The following SEMA3E variants were observed in gnomAD, a reference collection of about 807,000 sequenced individuals.
SEMA3E encodes semaphorin 3E.
In SEMA3E, 49 loss-of-function variants were observed where a neutral mutation model predicts 93.6. That is an observed-to-expected ratio of 0.52 (90% confidence interval 0.42 to 0.66). The LOEUF (loss-of-function observed/expected upper bound fraction) is 0.66. SEMA3E is among the 30% of genes least tolerant of loss of function. The probability of loss-of-function intolerance (pLI) is 0.00; values close to 1 mark genes in which losing one functional copy is unlikely to be tolerated. For missense variants in SEMA3E, 906 were observed against 964.8 expected (o/e 0.94, Z 0.81); for synonymous variants, 363 against 330.7 (o/e 1.10, Z -1.06).
chr7:83,600,341 G>C (rs1792962735), intron 1 of SEMA3E, among the ~76,000 whole-genome samples: 1 of 150,746 alleles, frequency 6.6e-6, no homozygotes, highest in Non-Finnish European at 1.5e-5. Context: ...TTTCCTTGAG[G>C]CGGAGTCTCG....
intron 1 of SEMA3E, among the ~76,000 whole-genome samples, chr7:83,585,109 T>C (rs56169535): frequency 2.0e-5 from 3 of 152,090 alleles, no homozygotes; most frequent in Non-Finnish European, 4.4e-5. Flanking sequence ...GTTCCCTCCA[T>C]CTGCACAGCT....
chr7:83,380,377 A>G (rs1787753165), intron 16 of SEMA3E, among the ~76,000 whole-genome samples: 1 of 151,918 alleles, frequency 6.6e-6, no homozygotes, highest in Non-Finnish European at 1.5e-5. Flanking sequence ...TTTCTAGAAT[A>G]ATTTGTGTAC....
At chr7:83,419,059 C>G (rs1218321343) in intron 4 of SEMA3E, among the ~76,000 whole-genome samples, 1 of 151,820 alleles carries the variant, frequency 6.6e-6, no homozygotes, top group Admixed American at 6.6e-5. Context: ...TCTCATCCCC[C>G]TCCAGTGGTC....
chr7:83,593,105 A>T (rs911720875), intron 1 of SEMA3E, among the ~76,000 whole-genome samples: 3 of 152,104 alleles, frequency 2.0e-5, no homozygotes, highest in African/African-American at 7.2e-5. Flanking sequence ...AGTGGGATCC[A>T]CCACAACTGG....
At chr7:83,458,722 C>T (rs1481671965) in intron 4 of SEMA3E, among the ~76,000 whole-genome samples, 1 of 151,618 alleles carries the variant, frequency 6.6e-6, no homozygotes, top group Non-Finnish European at 1.5e-5. Context: ...AGAAATAGTA[C>T]ATGAATTTGA....
At chr7:83,431,868 A>G (rs1292193564) in intron 4 of SEMA3E, among the ~76,000 whole-genome samples, 1 of 152,118 alleles carries the variant, frequency 6.6e-6, no homozygotes, top group Non-Finnish European at 1.5e-5. Flanking sequence ...ATTTTCCAGC[A>G]TTGGCTATAA....
chr7:83,630,248 A>G (rs781323304), intron 1 of SEMA3E, among the ~76,000 whole-genome samples: 21 of 152,184 alleles, frequency 1.4e-4, no homozygotes, highest in Non-Finnish European at 2.6e-4. Flanking sequence ...TTGCCCGGGA[A>G]TAAAAATTGT....
intron 1 of SEMA3E, among the ~76,000 whole-genome samples, chr7:83,520,104 T>C (rs1255556004): frequency 6.6e-6 from 1 of 152,200 alleles, no homozygotes; most frequent in East Asian, 1.9e-4. Flanking sequence ...GGTGGTATCT[T>C]CTTTCATGCA....
chr7:83,373,811 G>GA (rs1176959197), intron 16 of SEMA3E, among the ~76,000 whole-genome samples: 2 of 151,984 alleles, frequency 1.3e-5, no homozygotes, highest in Admixed American at 6.6e-5. Flanking sequence ...AAATAAAAAA[G>GA]AAAAAATGGA....
Position 83,565,337 on chromosome 7 carries a change from G to C in SEMA3E, c.116-75063C>G, listed in dbSNP as rs901123579. 6.6e-5 allele frequency among the ~76,000 whole-genome samples: 10 copies of C among 152,208 alleles called. No homozygotes were observed. In the South Asian group the frequency reaches 1.9e-3, roughly 28 times the overall value. ...ATGTTCTCACTCATAAGTAGGAGTT[G>C]AACAATGAGAACACGTGGACACAGG... is the stretch of plus-strand genomic sequence containing the variant. On this transcript the variant is annotated intron_variant, in intron 1 of 16. Transcript: ENST00000643230.
chr7:83,635,345 A>G (rs527273736), intron 1 of SEMA3E, among the ~76,000 whole-genome samples: 1 of 151,898 alleles, frequency 6.6e-6, no homozygotes, highest in Admixed American at 6.6e-5. Flanking sequence ...GGATTATAGA[A>G]GTGATCCTAA....
At chr7:83,423,604 T>C (rs995116084) in intron 4 of SEMA3E, among the ~76,000 whole-genome samples, 1 of 150,952 alleles carries the variant, frequency 6.6e-6, no homozygotes, top group Non-Finnish European at 1.5e-5. Flanking sequence ...CCCGGGTTCA[T>C]GCCATTCTCC....
intron 1 of SEMA3E, among the ~76,000 whole-genome samples, chr7:83,638,948 A>G (rs1793935840): frequency 6.6e-6 from 1 of 150,762 alleles, no homozygotes; most frequent in East Asian, 2.0e-4. Context: ...TGTCTCTACT[A>G]AAAATACAAA....
chr7:83,430,160 T>C (rs1788851811), intron 4 of SEMA3E, among the ~76,000 whole-genome samples: 1 of 152,106 alleles, frequency 6.6e-6, no homozygotes, highest in South Asian at 2.1e-4. Context: ...TAATTGTCAA[T>C]TTAACATAGA....
At chr7:83,393,955 A>G (rs1419092519) in intron 13 of SEMA3E, among the ~76,000 whole-genome samples, 1 of 152,190 alleles carries the variant, frequency 6.6e-6, no homozygotes, top group African/African-American at 2.4e-5. Context: ...CTATAGAGAT[A>G]GAAAATGAAA....
intron 1 of SEMA3E, among the ~76,000 whole-genome samples, chr7:83,591,955 C>T (rs1792764533): frequency 1.3e-5 from 2 of 151,948 alleles, no homozygotes; most frequent in African/African-American, 4.8e-5. Flanking sequence ...TGAAACCTAG[C>T]TTGCATATAT....
chr7:83,496,082 A>C (rs2115579616), intron 1 of SEMA3E, among the ~76,000 whole-genome samples: 1 of 152,046 alleles, frequency 6.6e-6, no homozygotes, highest in Admixed American at 6.6e-5. Context: ...ATGTCATGTA[A>C]TCATTGTGAC....
chr7:83,383,628 T>C (rs866102303), intron 16 of SEMA3E, among the ~76,000 whole-genome samples: 1 of 151,960 alleles, frequency 6.6e-6, no homozygotes, highest in African/African-American at 2.4e-5. Flanking sequence ...GAAATTTGAA[T>C]GTAGTTGAAA....
At chr7:83,545,062 T>C (rs1489413594) in intron 1 of SEMA3E, among the ~76,000 whole-genome samples, 1 of 152,090 alleles carries the variant, frequency 6.6e-6, no homozygotes, top group African/African-American at 2.4e-5. Flanking sequence ...AATACATTAA[T>C]AGGAAACTTA....
Sources: gnomAD v4.1 joint callset for allele counts (sites outside exome capture counted in the v4.1 genomes callset) on GRCh38, gnomAD v4.1.1 for gene constraint, MANE v1.5 for transcripts, NCBI Gene and HGNC (gene_info 2026-07-23, HGNC 2026-07-21) for gene names.